TRPC6: variants seen among roughly 807,000 people sequenced by gnomAD.
TRPC6 encodes the protein transient receptor potential cation channel subfamily C member 6.
Under a neutral mutation model 90.7 loss-of-function variants are expected in TRPC6, and 55 were observed. The ratio of observed to expected loss-of-function variants is 0.61; its 90% confidence interval spans 0.49 to 0.76. TRPC6 has a LOEUF of 0.76. Ranked by LOEUF, TRPC6 falls within the 30% of genes least tolerant of loss-of-function variation. The probability of loss-of-function intolerance (pLI) is 0.00; values close to 1 mark genes in which losing one functional copy is unlikely to be tolerated. For synonymous variants in TRPC6, 393 were observed against 393.0 expected, an observed-to-expected ratio of 1.00 and a Z score of 0.00; for missense variants, 989 against 1,122.7, an observed-to-expected ratio of 0.88 and a Z score of 1.70.
chr11:101,557,646 T>C (rs1284095392), intron 1 of TRPC6, among the ~76,000 whole-genome samples: 1 of 151,874 alleles, frequency 6.6e-6, no homozygotes, highest in African/African-American at 2.4e-5. Context: ...AAACCTGTTA[T>C]AACAAATGAA....
intron 1 of TRPC6, among the ~76,000 whole-genome samples, chr11:101,530,783 T>C (rs1366953034): frequency 6.6e-6 from 1 of 152,108 alleles, no homozygotes; most frequent in Non-Finnish European, 1.5e-5. Context: ...CCATCAGCCC[T>C]GGGACCCAAC....
In TRPC6 at chr11:101,453,554, TC is replaced by T. The variant is rs1052672960; in HGVS notation, c.2644+95del. On this transcript the variant is annotated intron_variant, in intron 12 of 12. Coordinates refer to ENST00000344327, the MANE Select transcript of TRPC6 (RefSeq NM_004621.6). ...CTACTTTTCCCCTTGAAGTTCACTC[TC>T]CCTGTACGCATCTCTGCAGCTCTCC... The T allele has an allele frequency of 3.4e-6, 4 of 1,178,694 alleles. No individual in the cohort carries two copies. The African/African-American group carries it at 4.5e-5, about 13-fold the overall frequency. 73.0% of individuals were successfully genotyped at this position (1,178,694 alleles called of 1,614,324 possible).
At chr11:101,490,076 C>T (rs7935628) in intron 3 of TRPC6, among the ~76,000 whole-genome samples, 4,298 of 152,192 alleles carry the variant, frequency 0.028, 233 homozygotes, top group African/African-American at 0.098. Context: ...ATTAATTCCA[C>T]ATGTAAGAAT....
At position 101,583,821 on chromosome 11, in the gene TRPC6, CG is replaced by C. The variant is rs886047541; in HGVS notation, c.-319del. The C allele has an allele frequency of 3.1e-4, 97 of 315,072 alleles. No individual in the cohort carries two copies. The highest frequency in any genetic ancestry group is 4.7e-4 in the Non-Finnish European group (81 of 172,494). 19.5% of individuals were successfully genotyped at this position (315,072 alleles called of 1,614,324 possible). On this transcript the variant is annotated 5_prime_UTR_variant, in exon 1 of 13. An upstream open reading frame in the 5' UTR loses its in-frame stop. Transcript: ENST00000344327. Reference sequence around the variant, plus strand: ...GGCGGGGCCGCTGGTGGTAGCGAAGCGTAAGAGCGGAGAGCAAGGGAGACGG... The same window carrying C: ...GGCGGGGCCGCTGGTGGTAGCGAAGCTAAGAGCGGAGAGCAAGGGAGACGG...
intron 1 of TRPC6, among the ~76,000 whole-genome samples, chr11:101,566,763 C>T (rs2136876714): frequency 6.6e-6 from 1 of 152,292 alleles, no homozygotes; most frequent in East Asian, 1.9e-4. Context: ...ATCACCTCAC[C>T]CGGGAAGTGC....
chr11:101,456,701 T>C (rs1858890776), intron 10 of TRPC6, among the ~76,000 whole-genome samples: 1 of 152,146 alleles, frequency 6.6e-6, no homozygotes, highest in Non-Finnish European at 1.5e-5. Flanking sequence ...GTAGGTATTA[T>C]CAAAGGCACC....
chr11:101,477,849 T>G (rs1269288538), intron 5 of TRPC6, among the ~76,000 whole-genome samples: 1 of 152,238 alleles, frequency 6.6e-6, no homozygotes. Flanking sequence ...TTTTCCATGA[T>G]TGGCACATGT....
At chr11:101,477,621 C>T (rs929187779) in intron 5 of TRPC6, among the ~76,000 whole-genome samples, 6 of 152,058 alleles carry the variant, frequency 3.9e-5, no homozygotes, top group African/African-American at 9.7e-5. Context: ...ACCATGGATT[C>T]GAGAATTTCT....
chr11:101,492,960 T>G (rs1859863888), intron 2 of TRPC6, among the ~76,000 whole-genome samples: 1 of 152,190 alleles, frequency 6.6e-6, no homozygotes, highest in South Asian at 2.1e-4. Flanking sequence ...GTTTTGTAGT[T>G]TGTTGCTGAT....
chr11:101,518,693 T>C (rs1010212984), intron 1 of TRPC6, among the ~76,000 whole-genome samples: 1 of 152,182 alleles, frequency 6.6e-6, no homozygotes, highest in African/African-American at 2.4e-5. Flanking sequence ...GCTGGGTATA[T>C]ACACAAAAGA....
chr11:101,552,346 A>G (rs1389981248), intron 1 of TRPC6, among the ~76,000 whole-genome samples: 2 of 152,148 alleles, frequency 1.3e-5, no homozygotes, highest in African/African-American at 4.8e-5. Context: ...TGAAAACATA[A>G]TAACAAAGCC....
intron 1 of TRPC6, among the ~76,000 whole-genome samples, chr11:101,520,108 T>C (rs1470014242): frequency 6.6e-6 from 1 of 152,102 alleles, no homozygotes; most frequent in African/African-American, 2.4e-5. Flanking sequence ...TCATGTTGAA[T>C]TGTAATCCCC....
chr11:101,582,578 C>A (rs1862221710), intron 1 of TRPC6, among the ~76,000 whole-genome samples: 2 of 151,970 alleles, frequency 1.3e-5, no homozygotes, highest in African/African-American at 4.8e-5. Flanking sequence ...AAAAAAAATA[C>A]CCTAGATTCA....
chr11:101,471,537 T>TCTATTCACATATTCTTTC, intron 8 of TRPC6, 151 bp from the exon 9 acceptor site: 1 of 824,306 alleles, frequency 1.2e-6, no homozygotes, highest in Non-Finnish European at 2.0e-6. Context: ...ATGTTAACAT[T>TCTATTCACATATTCTTTC]CTATTCACAT....
intron 1 of TRPC6, among the ~76,000 whole-genome samples, chr11:101,566,987 A>G (rs940487438): frequency 6.7e-6 from 1 of 148,252 alleles, no homozygotes; most frequent in Non-Finnish European, 1.5e-5. Context: ...GTTTTTTTCC[A>G]TACCCCAGTG....
At chr11:101,560,869 G>A (rs1459448466) in intron 1 of TRPC6, among the ~76,000 whole-genome samples, 1 of 152,120 alleles carries the variant, frequency 6.6e-6, no homozygotes, top group Non-Finnish European at 1.5e-5. Context: ...TGGGGAAGAA[G>A]GTAAGGAGAG....
intron 2 of TRPC6, among the ~76,000 whole-genome samples, chr11:101,492,086 G>A (rs930609079): frequency 3.3e-5 from 5 of 151,756 alleles, no homozygotes; most frequent in Non-Finnish European, 7.4e-5. Context: ...TGATCCGCCC[G>A]CCTCGGCCTC....
chr11:101,512,291 C>T (rs1207715885), intron 1 of TRPC6, among the ~76,000 whole-genome samples: 3 of 152,184 alleles, frequency 2.0e-5, no homozygotes, highest in Non-Finnish European at 2.9e-5. Context: ...GCCTGAGCTA[C>T]TTGTCACTTT....
chr11:101,472,815 G>A (rs1859323134), intron 7 of TRPC6, among the ~76,000 whole-genome samples: 2 of 152,130 alleles, frequency 1.3e-5, no homozygotes, highest in Non-Finnish European at 2.9e-5. Context: ...ATTGACCAAA[G>A]CTAAGCCAGT....
Sources: allele counts gnomAD v4.1 joint callset (sites outside exome capture counted in the v4.1 genomes callset), GRCh38; gene constraint gnomAD v4.1.1; transcripts MANE v1.5; gene names NCBI Gene and HGNC (gene_info 2026-07-23, HGNC 2026-07-21).